Variants in CFAP47 observed in about 807,000 individuals in gnomAD.
The protein encoded by CFAP47 is cilia and flagella associated protein 47, also known as cilia- and flagella-associated protein 47.
A neutral mutation model predicts 148.1 loss-of-function variants in CFAP47; 29 were observed. The observed-to-expected ratio is 0.20, with a 90% confidence interval of 0.15 to 0.27. The LOEUF is 0.27. Ranked by LOEUF, CFAP47 falls within the 10% of genes least tolerant of loss-of-function variation. The pLI is 1.00. For missense variants in CFAP47, 1,872 were observed against 1,697.5 expected (o/e 1.10, Z -1.81); for synonymous variants, 664 against 577.3 (o/e 1.15, Z -2.15).
chrX:36,073,017 T>C, intron 28 of CFAP47, 122 bp from the exon 29 acceptor site: 1 of 471,995 alleles, frequency 2.1e-6, no homozygotes, highest in Admixed American at 4.1e-5. Flanking sequence ...CAGAATTTCT[T>C]TGAGAGCATA....
At chrX:36,209,645 A>T (rs1348057383) in intron 45 of CFAP47, among the ~76,000 whole-genome samples, 1 of 111,446 alleles carries the variant, frequency 9.0e-6, no homozygotes, top group African/African-American at 3.3e-5. Context: ...TTGTCATTTG[A>T]ATTTACATCA....
chrX:36,335,035 T>C (rs1941593255), intron 57 of CFAP47, among the ~76,000 whole-genome samples: 1 of 111,171 alleles, frequency 9.0e-6, no homozygotes, highest in Admixed American at 9.7e-5. Flanking sequence ...TAATTTTTTT[T>C]CCAACCCACA....
intron 13 of CFAP47, among the ~76,000 whole-genome samples, chrX:35,973,908 T>A (rs1237562683): frequency 8.9e-6 from 1 of 112,381 alleles, no homozygotes; most frequent in Non-Finnish European, 1.9e-5. Flanking sequence ...CTAATTGTAA[T>A]TCCTTTATCC....
At chrX:36,131,957 T>A (rs764341490) in intron 33 of CFAP47, among the ~76,000 whole-genome samples, 2 of 111,252 alleles carry the variant, frequency 1.8e-5, no homozygotes, top group Non-Finnish European at 3.8e-5. Flanking sequence ...TATATGACTA[T>A]ACTAAGCAAC....
In CFAP47 at chrX:36,191,043, A is replaced by G. The variant is rs146738666; in HGVS notation, c.6321+847A>G. Among the ~76,000 whole-genome samples, 642 of 111,703 alleles carry G rather than the reference A, an allele frequency of 5.7e-3. 7 individuals carry two copies. The highest frequency in any genetic ancestry group is 0.019 in the African/African-American group (588 of 30,778). On this transcript the variant is annotated intron_variant, in intron 42 of 63. Transcript: ENST00000378653. ...AGTATTTACATGTGAAAAATAATAT[A>G]CCTATTAGAAATGTAAAATATAGTT...
At chrX:36,031,369 A>C in intron 23 of CFAP47, 22 bp downstream of exon 23, 1 of 286,738 alleles carries the variant, frequency 3.5e-6, no homozygotes. Context: ...GAAGTGATAC[A>C]GTTTACAATT....
chrX:35,922,519 A>C (rs7056793), intron 1 of CFAP47, among the ~76,000 whole-genome samples: 1 of 112,755 alleles, frequency 8.9e-6, no homozygotes, highest in Non-Finnish European at 1.9e-5. Context: ...TCTTGAAACT[A>C]TAGCTTACTT....
chrX:36,150,976 C>T (rs1939300555), intron 37 of CFAP47, among the ~76,000 whole-genome samples: 1 of 111,468 alleles, frequency 9.0e-6, no homozygotes. Flanking sequence ...ATTTTGTTGT[C>T]AAAGATTTTA....
At chrX:36,020,622 G>C (rs989808555) in intron 22 of CFAP47, among the ~76,000 whole-genome samples, 1 of 111,454 alleles carries the variant, frequency 9.0e-6, no homozygotes, top group African/African-American at 3.3e-5. Flanking sequence ...TTTTTGCCTT[G>C]AAACCTATTT....
chrX:35,944,097 C>T (rs1426279028), intron 3 of CFAP47, among the ~76,000 whole-genome samples: 2 of 111,216 alleles, frequency 1.8e-5, no homozygotes, highest in Non-Finnish European at 3.8e-5. Flanking sequence ...TTAAGGCCCA[C>T]TCTGCCTTTT....
intron 50 of CFAP47, among the ~76,000 whole-genome samples, chrX:36,284,109 G>T (rs1432053822): frequency 8.9e-6 from 1 of 111,800 alleles, no homozygotes; most frequent in East Asian, 2.8e-4. Flanking sequence ...TGTCATAAAA[G>T]CACTTAAAGT....
At chrX:36,321,500 G>A (rs1318665622) in intron 57 of CFAP47, among the ~76,000 whole-genome samples, 1 of 111,289 alleles carries the variant, frequency 9.0e-6, no homozygotes, top group East Asian at 2.8e-4. Context: ...TAATTTAATT[G>A]TACATTTAAA....
chrX:36,115,700 T>C (rs12690114), intron 33 of CFAP47, among the ~76,000 whole-genome samples: 9,440 of 111,177 alleles, frequency 0.085, 427 homozygotes, highest in East Asian at 0.28. Flanking sequence ...TTTTAAAAGC[T>C]GATATTTAAA....
At position 36,098,775 on chromosome X, in the gene CFAP47, TTTC is replaced by T. The variant is rs1370203858; in HGVS notation, c.4917-15_4917-13del. On this transcript the variant is annotated splice_polypyrimidine_tract_variant and intron_variant, in intron 30 of 63. Transcript: ENST00000378653. Reference sequence around the variant, plus strand: ...TGTATATTATATTATAATTTGAGTTTTTCTTTTTTAATTTTAGTGCTCAAGGAG... The same window carrying T: ...TGTATATTATATTATAATTTGAGTTTTTTTTTAATTTTAGTGCTCAAGGAG... 1.7e-5 allele frequency: 18 copies of T among 1,062,867 alleles called. No individual in the cohort carries two copies. The highest frequency in any genetic ancestry group is 2.2e-5 in the Non-Finnish European group (17 of 779,750). The allele number at this position is 1,062,867 out of a possible 1,213,427, so 87.6% of individuals were successfully genotyped here. A position where few individuals can be genotyped will look rare whatever the true frequency, so the allele number is the denominator to read the frequency against.
At chrX:36,110,843 G>T (rs1376498799) in intron 33 of CFAP47, among the ~76,000 whole-genome samples, 1 of 111,023 alleles carries the variant, frequency 9.0e-6, no homozygotes, top group African/African-American at 3.3e-5. Flanking sequence ...TTATTCCTAG[G>T]TGTTTTATAC....
chrX:36,015,092 C>A, intron 22 of CFAP47, among the ~76,000 whole-genome samples, 180 bp downstream of exon 22: 1 of 110,025 alleles, frequency 9.1e-6, no homozygotes, highest in Non-Finnish European at 1.9e-5. Flanking sequence ...TGAGTGTTGA[C>A]AAACAGCGCA....
At chrX:36,318,596 G>A (rs1167157952) in intron 56 of CFAP47, among the ~76,000 whole-genome samples, 3 of 111,749 alleles carry the variant, frequency 2.7e-5, no homozygotes, top group Non-Finnish European at 3.8e-5. Context: ...ATGATGTAGG[G>A]AATAAAGACC....
Position 35,919,912 on chromosome X carries a change from T to G in CFAP47, c.113T>G (p.Met38Arg), listed in dbSNP as rs531784634. The G allele has an allele frequency of 6.3e-5, 76 of 1,208,811 alleles. No individual in the cohort carries two copies. Among genetic ancestry groups the G allele is most frequent in the Admixed American group, 2.8e-4 (13 of 45,633 alleles). ...GATATGGATAGCTCGGGTAGAGACATGCAGCTGCGGGTGATCCCGGCTGAG... is the reference window on the plus strand; with the variant it reads ...GATATGGATAGCTCGGGTAGAGACAGGCAGCTGCGGGTGATCCCGGCTGAG... ...PRDMDSSGRD[M>R]QLRVIPAEVK... The change falls in exon 1 of 64, where the codon ATG becomes AGG. Residue 38 changes from methionine (M) to arginine (R), a missense_variant. Transcript: ENST00000378653.
chrX:36,129,889 G>A (rs901921255), intron 33 of CFAP47, among the ~76,000 whole-genome samples: 1 of 111,316 alleles, frequency 9.0e-6, no homozygotes, highest in Admixed American at 9.6e-5. Context: ...TTACAAGTCA[G>A]TGATAAAAAG....
Sources: gnomAD v4.1 joint callset for allele counts (sites outside exome capture counted in the v4.1 genomes callset) on GRCh38, gnomAD v4.1.1 for gene constraint, MANE v1.5 for transcripts, NCBI Gene and HGNC (gene_info 2026-07-23, HGNC 2026-07-21) for gene names.